TENM4: variants seen among roughly 807,000 people sequenced by gnomAD.
TENM4 encodes teneurin transmembrane protein 4, also known as teneurin-4.
In TENM4, 82 loss-of-function variants were observed where a neutral mutation model predicts 243.3. The ratio of observed to expected loss-of-function variants is 0.34; its 90% confidence interval spans 0.28 to 0.40. The LOEUF is 0.40. TENM4 is among the 10% of genes least tolerant of loss of function. The probability of loss-of-function intolerance (pLI) is 1.00; values close to 1 mark genes in which losing one functional copy is unlikely to be tolerated. For missense variants in TENM4, 3,138 were observed against 3,673.3 expected, an observed-to-expected ratio of 0.85 and a Z score of 3.77; for synonymous variants, 1,412 against 1,456.3, an observed-to-expected ratio of 0.97 and a Z score of 0.69.
chr11:78,684,233 A>T (rs949222), intron 29 of TENM4, among the ~76,000 whole-genome samples: 1 of 152,052 alleles, frequency 6.6e-6, no homozygotes, highest in South Asian at 2.1e-4. Flanking sequence ...AGGCTACTTC[A>T]GCTCAGGTTC....
At chr11:78,690,532 G>A (rs1055083966) in intron 28 of TENM4, among the ~76,000 whole-genome samples, 1 of 152,144 alleles carries the variant, frequency 6.6e-6, no homozygotes, top group East Asian at 1.9e-4. Flanking sequence ...AAAACCACAC[G>A]TGAGAGCTCA....
intron 2 of TENM4, among the ~76,000 whole-genome samples, chr11:79,279,347 G>A (rs1227861047): frequency 6.6e-6 from 1 of 152,176 alleles, no homozygotes; most frequent in Non-Finnish European, 1.5e-5. Flanking sequence ...CAGGTAAGAT[G>A]GTGTTAAGGA....
intron 12 of TENM4, among the ~76,000 whole-genome samples, chr11:78,843,148 G>GGC (rs951265380): frequency 6.6e-6 from 1 of 151,892 alleles, no homozygotes; most frequent in African/African-American, 2.4e-5. Context: ...CATGGTGGTG[G>GGC]GCGCCTATAA....
intron 6 of TENM4, among the ~76,000 whole-genome samples, chr11:78,995,018 T>C (rs1158706102): frequency 2.0e-5 from 3 of 152,166 alleles, no homozygotes. Flanking sequence ...AGTTTCAACA[T>C]AAAGTAGTGA....
intron 4 of TENM4, among the ~76,000 whole-genome samples, chr11:79,121,478 G>C (rs1861744227): frequency 6.6e-6 from 1 of 152,222 alleles, no homozygotes; most frequent in South Asian, 2.1e-4. Flanking sequence ...AAAAGACTCT[G>C]GGTTCCCAGC....
rs1565317401 is a variant in TENM4 at position 78,658,525 on chromosome 11, C to A, written c.7843G>T (p.Asp2615Tyr). 6.2e-7 allele frequency: 1 copy of A among 1,613,998 alleles called. No homozygotes were observed. Among genetic ancestry groups the A allele is most frequent in the Non-Finnish European group, 8.5e-7 (1 of 1,179,890 alleles). The change falls in exon 34 of 34, where the codon GAT becomes TAT. Residue 2615 changes from aspartate to tyrosine, a missense_variant. Asp to Tyr is a radical substitution (Grantham distance 160). Around this residue, in one of 2 missense-constraint regions of TENM4, gnomAD observed 2,467 missense variants for 3,059.1 expected, o/e 0.81. Transcript: ENST00000278550. ...CCTGGTTTCACAAAGTAATGGGTAT[C>A]CACCCCATCAATGGTGAAGTGCAGG... ...ENLHFTIDGV[D>Y]THYFVKPGPS...
chr11:78,668,880 G>A, intron 32 of TENM4, 57 bp downstream of exon 32: 1 of 1,539,124 alleles, frequency 6.5e-7, no homozygotes, highest in Non-Finnish European at 8.8e-7. Context: ...ACTAAGTATT[G>A]TTAGGTAGTA....
At chr11:78,999,515 C>CA (rs1164429568) in intron 6 of TENM4, among the ~76,000 whole-genome samples, 2 of 151,884 alleles carry the variant, frequency 1.3e-5, no homozygotes, top group East Asian at 3.9e-4. Flanking sequence ...GACTCCATCT[C>CA]AAAAAACAAA....
intron 19 of TENM4, among the ~76,000 whole-genome samples, chr11:78,748,256 GT>G (rs547712868): frequency 3.3e-5 from 5 of 152,180 alleles, no homozygotes; most frequent in Admixed American, 1.3e-4. Context: ...TGTTTTACAT[GT>G]GCTAACTTAA....
At chr11:79,144,013 A>G (rs937956410) in intron 4 of TENM4, among the ~76,000 whole-genome samples, 6 of 152,114 alleles carry the variant, frequency 3.9e-5, no homozygotes, top group Admixed American at 3.3e-4. Flanking sequence ...GTAAAGAGAC[A>G]ACCCACAGAA....
chr11:79,218,779 A>C (rs1864105772), intron 2 of TENM4, among the ~76,000 whole-genome samples: 1 of 152,248 alleles, frequency 6.6e-6, no homozygotes, highest in Non-Finnish European at 1.5e-5. Flanking sequence ...AAAGACAGTT[A>C]ATGAAACTAA....
At chr11:79,342,484 G>A (rs1234776121) in intron 1 of TENM4, among the ~76,000 whole-genome samples, 1 of 152,082 alleles carries the variant, frequency 6.6e-6, no homozygotes, top group Non-Finnish European at 1.5e-5. Flanking sequence ...AGTACAGCGG[G>A]CCACACAGAA....
chr11:79,285,755 C>A (rs1405087235), intron 2 of TENM4, among the ~76,000 whole-genome samples: 35 of 148,870 alleles, frequency 2.4e-4, no homozygotes, highest in South Asian at 6.5e-4. Context: ...GTGAAAAAAA[C>A]CAAAAAAAAA....
intron 1 of TENM4, among the ~76,000 whole-genome samples, chr11:79,439,918 CCGGGCGCCCGGTGAGGAGAGG>C (rs1859362835): frequency 2.0e-5 from 3 of 152,180 alleles, no homozygotes; most frequent in Admixed American, 2.0e-4. Flanking sequence ...AATACCGCGG[CCGGGCGCCCGGTGAGGAGAGG>C]CGGGCGCCCC....
At chr11:78,722,278 G>T (rs1855403187) in intron 24 of TENM4, among the ~76,000 whole-genome samples, 3 of 152,296 alleles carry the variant, frequency 2.0e-5, no homozygotes, top group African/African-American at 7.2e-5. Flanking sequence ...GTCTTCCAAG[G>T]TGCTAGGATT....
chr11:79,253,537 T>C (rs1855649525), intron 2 of TENM4, among the ~76,000 whole-genome samples: 1 of 152,202 alleles, frequency 6.6e-6, no homozygotes, highest in East Asian at 1.9e-4. Flanking sequence ...TCTAAATGGA[T>C]GACACAGAGT....
At chr11:79,398,971 C>A (rs565519230) in intron 1 of TENM4, among the ~76,000 whole-genome samples, 1 of 151,968 alleles carries the variant, frequency 6.6e-6, no homozygotes, top group Non-Finnish European at 1.5e-5. Context: ...AACAGCACAG[C>A]CGAGGCACAG....
intron 3 of TENM4, among the ~76,000 whole-genome samples, chr11:79,167,634 G>A (rs186711141): frequency 1.3e-5 from 2 of 152,306 alleles, no homozygotes; most frequent in African/African-American, 4.8e-5. Context: ...GGTCCACTCC[G>A]ACTGCCAGAA....
intron 6 of TENM4, among the ~76,000 whole-genome samples, chr11:78,932,635 C>A (rs1342378243): frequency 6.6e-6 from 1 of 152,176 alleles, no homozygotes; most frequent in Non-Finnish European, 1.5e-5. Flanking sequence ...TACTTTACTG[C>A]AGTGGTCCCC....
Sources: allele counts gnomAD v4.1 joint callset (sites outside exome capture counted in the v4.1 genomes callset), GRCh38; gene constraint gnomAD v4.1.1; regional missense constraint gnomAD v4.1.1; transcripts MANE v1.5; gene names NCBI Gene and HGNC (gene_info 2026-07-23, HGNC 2026-07-21).